CTNNBL1: variants seen among roughly 807,000 people sequenced by gnomAD.
CTNNBL1 encodes beta-catenin-like protein 1.
A neutral mutation model predicts 72.7 loss-of-function variants in CTNNBL1; 31 were observed. The ratio of observed to expected loss-of-function variants is 0.43; its 90% CI spans 0.32 to 0.58. The LOEUF is 0.58. CTNNBL1 is among the 20% of genes least tolerant of loss of function. The probability of loss-of-function intolerance (pLI) is 0.08; values close to 1 mark genes in which losing one functional copy is unlikely to be tolerated. For missense variants in CTNNBL1, 534 were observed against 725.1 expected, an observed-to-expected ratio of 0.74 and a Z score of 3.03; for synonymous variants, 240 against 267.3, an observed-to-expected ratio of 0.90 and a Z score of 1.00.
At chr20:37,868,572 A>G (rs2072556509) in intron 15 of CTNNBL1, among the ~76,000 whole-genome samples, 1 of 152,224 alleles carries the variant, frequency 6.6e-6, no homozygotes, top group African/African-American at 2.4e-5. Context: ...CCTGTGGGCC[A>G]GTCGGATATC....
intron 11 of CTNNBL1, among the ~76,000 whole-genome samples, chr20:37,836,802 C>G (rs1284640546): frequency 2.6e-5 from 4 of 152,110 alleles, no homozygotes; most frequent in Non-Finnish European, 5.9e-5. Flanking sequence ...GCTCTGTGGA[C>G]AAGTCACTTC....
At chr20:37,781,775 A>G (rs1043149562) in intron 10 of CTNNBL1, among the ~76,000 whole-genome samples, 2 of 152,196 alleles carry the variant, frequency 1.3e-5, no homozygotes, top group African/African-American at 4.8e-5. Flanking sequence ...CTGTAACACT[A>G]GAAGTTCAGG....
At chr20:37,837,928 C>T (rs60799174) in intron 11 of CTNNBL1, among the ~76,000 whole-genome samples, 123,887 of 151,586 alleles carry the variant, frequency 0.82, 50,654 homozygotes, top group Middle Eastern at 0.89. Flanking sequence ...AACAAATAAA[C>T]AAAATACAGT....
chr20:37,859,228 G>A (rs1311276383), intron 13 of CTNNBL1, among the ~76,000 whole-genome samples: 3 of 151,800 alleles, frequency 2.0e-5, no homozygotes, highest in African/African-American at 4.8e-5. Context: ...GTGGTGGCAC[G>A]TGCCTGTAAT....
At chr20:37,824,138 C>T (rs868786386) in intron 11 of CTNNBL1, among the ~76,000 whole-genome samples, 22 of 152,328 alleles carry the variant, frequency 1.4e-4, no homozygotes, top group Middle Eastern at 3.4e-3. Context: ...GAACCAGCTG[C>T]GCTGACGTAT....
intron 1 of CTNNBL1, among the ~76,000 whole-genome samples, chr20:37,728,956 C>A (rs2073107703): frequency 6.6e-6 from 1 of 152,224 alleles, no homozygotes; most frequent in Non-Finnish European, 1.5e-5. Flanking sequence ...TCAATCCACA[C>A]TGGCCCTATT....
intron 5 of CTNNBL1, among the ~76,000 whole-genome samples, chr20:37,758,218 G>C (rs970627835): frequency 5.9e-5 from 9 of 152,328 alleles, no homozygotes; most frequent in African/African-American, 2.2e-4. Flanking sequence ...TCGAAAATAA[G>C]AACAAACTTT....
chr20:37,829,035 G>A (rs888029564), intron 11 of CTNNBL1, among the ~76,000 whole-genome samples: 23 of 152,120 alleles, frequency 1.5e-4, no homozygotes, highest in Admixed American at 1.4e-3. Flanking sequence ...AGTCAAGATC[G>A]ATCTAGTTAG....
chr20:37,694,151 AG>A lies in CTNNBL1; in HGVS notation c.30+1del. The A allele has an allele frequency of 6.3e-7, 1 of 1,597,148 alleles. No homozygotes were observed. Among genetic ancestry groups the A allele is most frequent in the Non-Finnish European group, 8.5e-7 (1 of 1,173,180 alleles). Reference protein sequence around the residue: MDVGELLSYQPNRGTKRPRD... With the variant: MDVGELLSYXPNRGTKRPRD... ...GACGTGGGCGAACTTCTGAGCTACC[AG>A]GTATGAGGGGCAGGGAGGGCCGAGC... is the stretch of plus-strand genomic sequence containing the variant. On this transcript the variant is annotated frameshift_variant and splice_region_variant, in exon 1 of 16. Transcript: ENST00000361383. LOFTEE classifies it high-confidence loss of function.
At chr20:37,694,323 G>A (rs567651823) in intron 1 of CTNNBL1, among the ~76,000 whole-genome samples, 171 bp downstream of exon 1, 86 of 152,246 alleles carry the variant, frequency 5.6e-4, no homozygotes, top group Non-Finnish European at 1.0e-3. Context: ...GCCCTCCTGG[G>A]CCCTTTCGAT....
At chr20:37,752,236 A>C (rs898430333) in intron 4 of CTNNBL1, among the ~76,000 whole-genome samples, 10 of 152,082 alleles carry the variant, frequency 6.6e-5, no homozygotes, top group Admixed American at 3.9e-4. Flanking sequence ...GGACTTAATA[A>C]ATGTTGAATG....
intron 13 of CTNNBL1, among the ~76,000 whole-genome samples, chr20:37,853,535 CAGAT>C (rs766422460): frequency 2.6e-5 from 4 of 152,214 alleles, no homozygotes; most frequent in African/African-American, 4.8e-5. Context: ...TCATCACACA[CAGAT>C]AGCCAAGGAA....
intron 12 of CTNNBL1, among the ~76,000 whole-genome samples, chr20:37,841,142 A>G (rs1035376861): frequency 2.0e-5 from 3 of 152,222 alleles, no homozygotes; most frequent in African/African-American, 7.2e-5. Flanking sequence ...TTATCCTTGT[A>G]TAGTTATTAT....
chr20:37,852,362 C>T (rs1003820001), intron 13 of CTNNBL1, among the ~76,000 whole-genome samples: 1 of 152,148 alleles, frequency 6.6e-6, no homozygotes, highest in African/African-American at 2.4e-5. Flanking sequence ...TTAAAATGGC[C>T]TAATGTCACA....
chr20:37,707,219 A>G (rs770506305), intron 1 of CTNNBL1, among the ~76,000 whole-genome samples: 4 of 152,238 alleles, frequency 2.6e-5, no homozygotes, highest in Non-Finnish European at 5.9e-5. Context: ...TAAGAAGAGC[A>G]TCAGCCTGTC....
chr20:37,854,318 A>G (rs2072420318), intron 13 of CTNNBL1, among the ~76,000 whole-genome samples: 3 of 152,164 alleles, frequency 2.0e-5, no homozygotes. Context: ...ACCTAATTAG[A>G]GAAACTTAAT....
intron 15 of CTNNBL1, among the ~76,000 whole-genome samples, chr20:37,863,129 T>C (rs1023731942): frequency 4.9e-4 from 74 of 152,298 alleles, no homozygotes; most frequent in African/African-American, 1.8e-3. Context: ...GTAGCAAACA[T>C]TGACTGTGAC....
chr20:37,705,193 T>C (rs2072874887), intron 1 of CTNNBL1, among the ~76,000 whole-genome samples: 1 of 152,230 alleles, frequency 6.6e-6, no homozygotes, highest in African/African-American at 2.4e-5. Context: ...TTGCTAGCTA[T>C]GTGACCTTGG....
rs768208094 is a variant in CTNNBL1 at position 37,859,910 on chromosome 20, G to A, written c.1404G>A (p.Arg468=). Residue 468 remains arginine, a synonymous_variant, in exon 14 of 16, where the codon CGG becomes CGA. Coordinates refer to ENST00000361383, the MANE Select transcript of CTNNBL1 (RefSeq NM_030877.5). ...TCATTTGTTTCTAGGACATGGTCCG[G>A]CGAGGAGAGATCATCGACAATGACA... ...KIEGEKHDMV[R]RGEIIDNDTE... is the part of the protein sequence containing the mutation. 14 of 1,614,032 alleles carry A rather than the reference G, an allele frequency of 8.7e-6. No homozygotes were observed. In the Admixed American group the frequency reaches 2.3e-4, roughly 27 times the overall value.
Sources: allele counts gnomAD v4.1 joint callset (sites outside exome capture counted in the v4.1 genomes callset), GRCh38; gene constraint gnomAD v4.1.1; transcripts MANE v1.5; gene names NCBI Gene and HGNC (gene_info 2026-07-23, HGNC 2026-07-21).